Variants in GRHL2 observed in about 807,000 individuals in gnomAD.
GRHL2 encodes the protein grainyhead-like protein 2 homolog.
A neutral mutation model predicts 83.8 loss-of-function variants in GRHL2; 21 were observed. That is an observed-to-expected ratio of 0.25 (90% CI 0.18 to 0.36). The LOEUF is 0.36. Among genes scored for constraint, GRHL2 ranks in the 10% least tolerant of loss-of-function variants. GRHL2 has a pLI of 1.00. For missense variants in GRHL2, 623 were observed against 781.8 expected, an observed-to-expected ratio of 0.80 and a Z score of 2.42; for synonymous variants, 280 against 278.9, an observed-to-expected ratio of 1.00 and a Z score of -0.04.
intron 1 of GRHL2, among the ~76,000 whole-genome samples, chr8:101,513,298 T>C (rs1810500121): frequency 6.6e-6 from 1 of 152,122 alleles, no homozygotes; most frequent in South Asian, 2.1e-4. Flanking sequence ...TTCTCTTAGT[T>C]TCTCATCTAT....
chr8:101,663,940 GTTGT>G (rs1813984527), intron 14 of GRHL2, among the ~76,000 whole-genome samples: 1 of 151,092 alleles, frequency 6.6e-6, no homozygotes, highest in African/African-American at 2.4e-5. Flanking sequence ...TTAAAGTTGT[GTTGT>G]TTTTATTAAC....
intron 3 of GRHL2, among the ~76,000 whole-genome samples, chr8:101,553,118 C>A (rs1893327): frequency 0.049 from 7,384 of 152,234 alleles, 548 homozygotes; most frequent in African/African-American, 0.17. Flanking sequence ...TGCAATTAGG[C>A]CCCTCAGGAA....
At chr8:101,531,281 A>ACTGCTAC (rs962832434) in intron 1 of GRHL2, among the ~76,000 whole-genome samples, 2 of 151,658 alleles carry the variant, frequency 1.3e-5, no homozygotes, top group Non-Finnish European at 2.9e-5. Context: ...TCTAATGCTG[A>ACTGCTAC]CTGCTACCTG....
intron 1 of GRHL2, among the ~76,000 whole-genome samples, chr8:101,512,422 A>G (rs1810484943): frequency 6.6e-6 from 1 of 152,174 alleles, no homozygotes; most frequent in South Asian, 2.1e-4. Context: ...ATCCAAAAAT[A>G]TGTTATCTTT....
chr8:101,582,834 G>C (rs904833958), intron 7 of GRHL2, among the ~76,000 whole-genome samples: 1 of 152,110 alleles, frequency 6.6e-6, no homozygotes, highest in Non-Finnish European at 1.5e-5. Context: ...TTTTATTGGG[G>C]AGATATTCAA....
At chr8:101,672,439 G>A, downstream of GRHL2, among the ~76,000 whole-genome samples, 1 of 151,736 alleles carries the variant, frequency 6.6e-6, no homozygotes, top group East Asian at 1.9e-4. Flanking sequence ...CAATCAACTG[G>A]AAGAAAGGGT....
chr8:101,562,304 C>T, intron 4 of GRHL2: 1 of 610,284 alleles, frequency 1.6e-6, no homozygotes, highest in East Asian at 3.1e-5. Context: ...ACGCCGTAAG[C>T]CCTTTACCAG....
intron 7 of GRHL2, among the ~76,000 whole-genome samples, chr8:101,593,396 A>C (rs1478822518): frequency 1.3e-5 from 2 of 152,176 alleles, no homozygotes; most frequent in South Asian, 2.1e-4. Context: ...TAAAATATGT[A>C]GTTTTTATGT....
At chr8:101,614,732 A>G (rs750196522) in intron 8 of GRHL2, among the ~76,000 whole-genome samples, 4 of 152,232 alleles carry the variant, frequency 2.6e-5, no homozygotes, top group Non-Finnish European at 5.9e-5. Context: ...GGTTTGCAAG[A>G]TGAAACAAAT....
At chr8:101,518,494 A>T (rs1810617430) in intron 1 of GRHL2, among the ~76,000 whole-genome samples, 2 of 152,182 alleles carry the variant, frequency 1.3e-5, no homozygotes, top group South Asian at 4.1e-4. Flanking sequence ...CCCATACAGG[A>T]TCACCTCCTC....
chr8:101,520,566 A>G (rs1183012100), intron 1 of GRHL2, among the ~76,000 whole-genome samples: 2 of 152,128 alleles, frequency 1.3e-5, no homozygotes, highest in Admixed American at 1.3e-4. Flanking sequence ...AAAGGTCACA[A>G]GAGAACATCT....
intron 12 of GRHL2, among the ~76,000 whole-genome samples, chr8:101,643,855 G>A (rs1813453780): frequency 1.3e-5 from 2 of 152,228 alleles, no homozygotes; most frequent in Admixed American, 1.3e-4. Flanking sequence ...AGGACGGAGT[G>A]GGTAAAATCC....
downstream of GRHL2, among the ~76,000 whole-genome samples, chr8:101,669,881 C>T (rs1814173902): frequency 6.6e-6 from 1 of 152,152 alleles, no homozygotes; most frequent in African/African-American, 2.4e-5. Context: ...AGTTACTTTG[C>T]TGTGCTTCAC....
intron 1 of GRHL2, among the ~76,000 whole-genome samples, chr8:101,503,064 G>A (rs577875665): frequency 6.6e-6 from 1 of 152,192 alleles, no homozygotes; most frequent in Admixed American, 6.5e-5. Context: ...ATTTAGGTCG[G>A]GAATAAAATC....
At chr8:101,632,088 G>T in intron 10 of GRHL2, 138 bp from the exon 11 acceptor site, 1 of 904,738 alleles carries the variant, frequency 1.1e-6, no homozygotes, top group South Asian at 1.4e-5. Context: ...ATGAGGTGGT[G>T]GGAGGTGTTG....
chr8:101,568,959 TG>T (rs1454560032), intron 4 of GRHL2, among the ~76,000 whole-genome samples: 3 of 152,190 alleles, frequency 2.0e-5, no homozygotes, highest in Non-Finnish European at 4.4e-5. Context: ...CCAGAGATGA[TG>T]GTTAGGAGTT....
intron 1 of GRHL2, among the ~76,000 whole-genome samples, chr8:101,497,242 A>G (rs1451505820): frequency 6.6e-6 from 1 of 152,184 alleles, no homozygotes; most frequent in African/African-American, 2.4e-5. Context: ...TTCCTCAGAC[A>G]CGCCCACCTC....
intron 1 of GRHL2, among the ~76,000 whole-genome samples, chr8:101,506,778 GTC>G (rs1810348351): frequency 6.7e-6 from 1 of 149,668 alleles, no homozygotes; most frequent in Non-Finnish European, 1.5e-5. Context: ...GTTTGAGGGT[GTC>G]TTTTTCTCAT....
intron 14 of GRHL2, among the ~76,000 whole-genome samples, chr8:101,657,764 C>T (rs986742258): frequency 2.3e-4 from 34 of 150,522 alleles, no homozygotes; most frequent in Non-Finnish European, 4.0e-4. Flanking sequence ...GGTGTGAACC[C>T]AGGAGACGGA....
Sources: allele counts gnomAD v4.1 joint callset (sites outside exome capture counted in the v4.1 genomes callset), GRCh38; gene constraint gnomAD v4.1.1; transcripts MANE v1.5; gene names NCBI Gene and HGNC (gene_info 2026-07-23, HGNC 2026-07-21).